The following PWWP4 variants were observed in gnomAD, a reference collection of about 807,000 sequenced individuals.
The protein encoded by PWWP4 is putative PWWP domain-containing DNA repair factor 4.
exon 1 of PWWP4, among the ~76,000 whole-genome samples, chrX:153,276,264 G>A (rs1183083384): frequency 1.2e-5 from 1 of 83,833 alleles, no homozygotes; most frequent in African/African-American, 4.7e-5. Context: ...GCTCACCAGC[G>A]TGCATGGCCA....
chrX:153,266,348 T>A, the PWWP4 span, among the ~76,000 whole-genome samples: 2 of 101,986 alleles, frequency 2.0e-5, no homozygotes, highest in Non-Finnish European at 3.9e-5. Context: ...GGTGTGTGTG[T>A]GAGGATGTGT....
At chrX:153,276,182 G>A (rs2051827004) in exon 1 of PWWP4, among the ~76,000 whole-genome samples, 1 of 100,682 alleles carries the variant, frequency 9.9e-6, no homozygotes, top group African/African-American at 3.8e-5. Context: ...CCTACTCCAG[G>A]CGCCCTGCAC....
chrX:153,269,819 A>G (rs1409571986), upstream of PWWP4, among the ~76,000 whole-genome samples: 1 of 111,476 alleles, frequency 9.0e-6, no homozygotes, highest in African/African-American at 3.2e-5. Flanking sequence ...ATTTCATTAA[A>G]TAAAGTTTGG....
upstream of PWWP4, among the ~76,000 whole-genome samples, chrX:153,270,214 G>C (rs1435415637): frequency 5.1e-3 from 470 of 91,332 alleles, no homozygotes; most frequent in Non-Finnish European, 6.9e-3. Flanking sequence ...CACACACACA[G>C]AGAGAGAGAG....
upstream of PWWP4, among the ~76,000 whole-genome samples, chrX:153,271,387 C>T (rs1414683831): frequency 2.7e-4 from 29 of 109,047 alleles, no homozygotes; most frequent in African/African-American, 9.8e-4. Flanking sequence ...CATTTCCGCT[C>T]TCCCTTTACC....
At chrX:153,271,493 C>T (rs2051806459), upstream of PWWP4, among the ~76,000 whole-genome samples, 1 of 108,216 alleles carries the variant, frequency 9.2e-6, no homozygotes, top group African/African-American at 3.5e-5. Flanking sequence ...CACACTGCAC[C>T]CCCTTTGCAG....
chrX:153,276,479 C>T (rs1193625153), exon 1 of PWWP4, among the ~76,000 whole-genome samples: 5 of 62,410 alleles, frequency 8.0e-5, no homozygotes, highest in African/African-American at 2.4e-4. Context: ...CCCACAGTAA[C>T]GGAGGAGGGT....
chrX:153,270,610 A>G (rs1334037350), upstream of PWWP4, among the ~76,000 whole-genome samples: 4 of 15,712 alleles, frequency 2.5e-4, no homozygotes, highest in African/African-American at 1.3e-3. Context: ...CTTCAGGGGC[A>G]CAGAGTGGGG....
chrX:153,270,558 C>T (rs1270334065), upstream of PWWP4, among the ~76,000 whole-genome samples: 61 of 22,090 alleles, frequency 2.8e-3, no homozygotes, highest in African/African-American at 0.012. Flanking sequence ...AGGTCCTGAG[C>T]ATCTACACGC....
exon 1 of PWWP4, among the ~76,000 whole-genome samples, chrX:153,276,263 C>T (rs1366044694): frequency 1.8e-4 from 15 of 83,949 alleles, no homozygotes; most frequent in East Asian, 1.0e-3. Flanking sequence ...AGCTCACCAG[C>T]GTGCATGGCC....
At chrX:153,275,992 C>T (rs2051826113) in exon 1 of PWWP4, among the ~76,000 whole-genome samples, 1 of 83,639 alleles carries the variant, frequency 1.2e-5, no homozygotes, top group Admixed American at 1.4e-4. Context: ...CTCTCAGGCA[C>T]ACAAGGCTAT....
chrX:153,276,036 C>T (rs1228306412), exon 1 of PWWP4, among the ~76,000 whole-genome samples: 1 of 97,848 alleles, frequency 1.0e-5, no homozygotes, highest in Non-Finnish European at 2.0e-5. Flanking sequence ...GCGGTGACAG[C>T]TCACCATTTC....
chrX:153,270,176 TTCTCTCTCTC>T (rs1184739253), upstream of PWWP4, among the ~76,000 whole-genome samples: 1 of 102,609 alleles, frequency 9.7e-6, no homozygotes. Context: ...CACATTTCAT[TTCTCTCTCTC>T]TCTCTCTCTC....
At chrX:153,266,529 A>G in the PWWP4 span, among the ~76,000 whole-genome samples, 1 of 103,832 alleles carries the variant, frequency 9.6e-6, no homozygotes, top group Non-Finnish European at 1.9e-5. Flanking sequence ...GGGTGTGTGT[A>G]TGGATGTGTG....
chrX:153,266,621 G>A (rs1440213439), upstream of PWWP4, among the ~76,000 whole-genome samples: 1 of 107,670 alleles, frequency 9.3e-6, no homozygotes, highest in Non-Finnish European at 1.9e-5. Context: ...GTCCTGAGGT[G>A]ACACCTGTTG....
upstream of PWWP4, among the ~76,000 whole-genome samples, chrX:153,271,191 A>G (rs1411635518): frequency 2.6e-5 from 3 of 114,410 alleles, no homozygotes; most frequent in Non-Finnish European, 5.6e-5. Flanking sequence ...TCAAGACGGA[A>G]TTGTTAAAAT....
exon 1 of PWWP4, among the ~76,000 whole-genome samples, chrX:153,276,399 G>A (rs1185989094): frequency 1.9e-4 from 16 of 83,834 alleles, no homozygotes; most frequent in African/African-American, 6.7e-4. Flanking sequence ...ATTCCCTGAC[G>A]CTTTCGCGGC....
chrX:153,270,212 C>CAG (rs1322132253), upstream of PWWP4, among the ~76,000 whole-genome samples: 19,532 of 88,502 alleles, frequency 0.22, 1,099 homozygotes, highest in African/African-American at 0.26. Context: ...CACACACACA[C>CAG]AGAGAGAGAG....
chrX:153,266,704 T>C (rs1453202931), upstream of PWWP4, among the ~76,000 whole-genome samples: 1 of 83,410 alleles, frequency 1.2e-5, no homozygotes, highest in Non-Finnish European at 2.2e-5. Context: ...CAAAGGAATG[T>C]CGCAGGTCTC....
Sources: allele counts gnomAD v4.1 joint callset (sites outside exome capture counted in the v4.1 genomes callset), GRCh38; gene constraint gnomAD v4.1.1; transcripts MANE v1.5; gene names NCBI Gene and HGNC (gene_info 2026-07-23, HGNC 2026-07-21).